Variants in CENPN observed in about 807,000 individuals in gnomAD.
CENPN encodes interphase centromere complex protein 32.
A neutral mutation model predicts 48.6 loss-of-function variants in CENPN; 36 were observed. The observed-to-expected ratio is 0.74, with a 90% CI of 0.57 to 0.98. The LOEUF is 0.98. Among genes scored for constraint, CENPN ranks in the 50% least tolerant of loss-of-function variants. The pLI is 0.00. For missense variants in CENPN, 439 were observed against 399.2 expected (o/e 1.10, Z -0.85); for synonymous variants, 166 against 135.2 (o/e 1.23, Z -1.58).
At chr16:81,019,880 A>G (rs1970100665) in intron 5 of CENPN, among the ~76,000 whole-genome samples, 1 of 151,152 alleles carries the variant, frequency 6.6e-6, no homozygotes, top group Admixed American at 6.6e-5. Context: ...TAGTCTCAAA[A>G]AAAAAAAAAG....
At chr16:81,015,866 G>A (rs1969910199) in intron 3 of CENPN, among the ~76,000 whole-genome samples, 2 of 152,114 alleles carry the variant, frequency 1.3e-5, no homozygotes, top group African/African-American at 4.8e-5. Context: ...AATTAGCCGG[G>A]CATGATGGCA....
chr16:81,017,162 A>AG, intron 3 of CENPN, 164 bp from the exon 4 acceptor site: 1 of 370,236 alleles, frequency 2.7e-6, no homozygotes, highest in East Asian at 4.5e-5. Context: ...ATTTATATGA[A>AG]GTACTTTAAT....
intron 8 of CENPN, among the ~76,000 whole-genome samples, chr16:81,025,604 TC>T (rs1970426622): frequency 6.6e-6 from 1 of 151,546 alleles, no homozygotes; most frequent in Non-Finnish European, 1.5e-5. Flanking sequence ...GCATCTGTGG[TC>T]CCGGCTACTT....
At chr16:81,028,369 A>G in intron 10 of CENPN, 72 bp downstream of exon 10, 1 of 1,569,554 alleles carries the variant, frequency 6.4e-7, no homozygotes, top group Non-Finnish European at 8.7e-7. Context: ...ATAATCTGCT[A>G]ATTACTTCTG....
In CENPN at chr16:81,030,048, A is replaced by G. The variant is rs927837187; in HGVS notation, c.*1397A>G. The stretch of plus-strand genomic sequence containing the variant: ...AGCTTGTGCAGGGAAACTCCCATTT[A>G]TAAAACCACCAGAGCTCATGAAACT... On this transcript the variant is annotated 3_prime_UTR_variant, in exon 11 of 11. Coordinates refer to ENST00000305850, the MANE Select transcript of CENPN (RefSeq NM_001100624.3). The G allele has an allele frequency of 7.9e-6, 2 of 254,750 alleles. No individual in the cohort carries two copies. The highest frequency in any genetic ancestry group is 1.2e-5 in the Non-Finnish European group (2 of 162,298). 15.8% of individuals were successfully genotyped at this position (254,750 alleles called of 1,614,324 possible).
chr16:81,013,047 C>T (rs187796386), intron 2 of CENPN, among the ~76,000 whole-genome samples: 2 of 152,086 alleles, frequency 1.3e-5, no homozygotes, highest in African/African-American at 4.8e-5. Flanking sequence ...GTTTTAAAAA[C>T]AAAACACGTT....
In CENPN at chr16:81,028,210, T is replaced by C; in HGVS notation, c.850T>C (p.Leu284=). The C allele has an allele frequency of 6.2e-7, 1 of 1,613,362 alleles. No homozygotes were observed. The highest frequency in any genetic ancestry group is 8.5e-7 in the Non-Finnish European group (1 of 1,179,234). Residue 284 remains leucine (L), a synonymous_variant, in exon 10 of 11, where the codon TTG becomes CTG. Coordinates refer to ENST00000305850, the MANE Select transcript of CENPN (RefSeq NM_001100624.3). The part of the protein sequence containing the change: ...KFKSGLNGSI[L]AEREEPLRCL... The stretch of plus-strand genomic sequence containing the variant: ...CAAAAGTGGTTTAAATGGGAGCATC[T>C]TGGCTGAGAGGGAAGAACCCCTCCG...
At chr16:81,021,862 C>G (rs1970225555) in intron 6 of CENPN, among the ~76,000 whole-genome samples, 1 of 151,972 alleles carries the variant, frequency 6.6e-6, no homozygotes. Flanking sequence ...TCAAGCGATT[C>G]TCCTGCCTCA....
intron 7 of CENPN, chr16:81,023,037 GAGA>G (rs1970289959): frequency 1.5e-6 from 1 of 672,262 alleles, no homozygotes; most frequent in Non-Finnish European, 2.3e-6. Flanking sequence ...TGAAACAACA[GAGA>G]AGTAGAATTA....
At chr16:81,028,470 T>G in intron 10 of CENPN, 99 bp from the exon 11 acceptor site, 11 of 1,539,012 alleles carry the variant, frequency 7.1e-6, no homozygotes, top group Non-Finnish European at 9.6e-6. Context: ...GCATCTATGA[T>G]CCACCCTCTA....
intron 9 of CENPN, among the ~76,000 whole-genome samples, chr16:81,027,000 T>C (rs1216543850): frequency 6.6e-6 from 1 of 151,950 alleles, no homozygotes; most frequent in Non-Finnish European, 1.5e-5. Context: ...TTTCATCGTG[T>C]TGGCCAGACT....
At chr16:81,013,047 C>G (rs187796386) in intron 2 of CENPN, among the ~76,000 whole-genome samples, 1 of 152,204 alleles carries the variant, frequency 6.6e-6, no homozygotes, top group East Asian at 1.9e-4. Context: ...GTTTTAAAAA[C>G]AAAACACGTT....
Position 81,029,991 on chromosome 16 carries a change from A to C in CENPN, c.*1340A>C, listed in dbSNP as rs1428698502. ...TCATGGTGGAAGGCAAATGAGAAGC[A>C]AAGTCATGTCTTACATGGCGGCAGG... On this transcript the variant is annotated 3_prime_UTR_variant, in exon 11 of 11. Transcript: ENST00000305850. 6.6e-6 allele frequency among the ~76,000 whole-genome samples: 1 copy of C among 152,222 alleles called. No individual in the cohort carries two copies. The highest frequency in any genetic ancestry group is 6.5e-5 in the Admixed American group (1 of 15,288).
intron 4 of CENPN, 37 bp from the exon 5 acceptor site, chr16:81,017,721 C>T (rs750159466): frequency 6.4e-6 from 9 of 1,405,730 alleles, no homozygotes; most frequent in Non-Finnish European, 8.9e-6. Flanking sequence ...CATTGTAGCT[C>T]CCTTGATTTT....
Position 81,028,275 on chromosome 16 carries a change from A to G in CENPN, c.915A>G (p.Ala305=). ...IKFSSPHLLE[A]LKSLAPAGIA... ...TCTCTAGCCCACATCTTCTGGAAGCATTGAAATCCTTAGCACCAGCGGGTG... is the reference window on the plus strand; with the variant it reads ...TCTCTAGCCCACATCTTCTGGAAGCGTTGAAATCCTTAGCACCAGCGGGTG... The change falls in exon 10 of 11, where the codon GCA becomes GCG. Residue 305 remains alanine, a synonymous_variant. Coordinates refer to ENST00000305850, the MANE Select transcript of CENPN (RefSeq NM_001100624.3). 1 of 1,614,212 alleles carries G rather than the reference A, an allele frequency of 6.2e-7. No homozygotes were observed. Among genetic ancestry groups the G allele is most frequent in the East Asian group, 2.2e-5 (1 of 44,886 alleles).
chr16:81,020,401 T>C (rs1277858203), intron 6 of CENPN, 125 bp downstream of exon 6: 13 of 912,930 alleles, frequency 1.4e-5, no homozygotes, highest in Non-Finnish European at 2.0e-5. Flanking sequence ...CATGTACCTG[T>C]GGTCCCAGCT....
chr16:81,032,972 G>A (rs1156429936), downstream of CENPN: 1 of 252,404 alleles, frequency 4.0e-6, no homozygotes, highest in African/African-American at 2.2e-5. Flanking sequence ...TGCTGCCTCG[G>A]ATCTTGATCA....
Position 81,024,658 on chromosome 16 carries a change from T to G in CENPN, c.634-57T>G. ...TACTTTAATATACTAAAAAAAAAATTAATATCTGTACTTCAAGATGTCAAG... is the reference window on the plus strand; with the variant it reads ...TACTTTAATATACTAAAAAAAAAATGAATATCTGTACTTCAAGATGTCAAG... On this transcript the variant is annotated intron_variant, in intron 7 of 10. Coordinates refer to ENST00000305850, the MANE Select transcript of CENPN (RefSeq NM_001100624.3). 3 of 1,157,146 alleles carry G rather than the reference T, an allele frequency of 2.6e-6. No homozygotes were observed. In the Admixed American group the frequency reaches 6.6e-5, roughly 26 times the overall value. 71.7% of individuals were successfully genotyped at this position (1,157,146 alleles called of 1,614,324 possible). A position where few individuals can be genotyped will look rare whatever the true frequency, so the allele number is the denominator to read the frequency against.
In CENPN at chr16:81,028,744, T is replaced by G. The variant is rs1280969561; in HGVS notation, c.*93T>G. The G allele has an allele frequency of 6.7e-7, 1 of 1,501,906 alleles. No homozygotes were observed. The highest frequency in any genetic ancestry group is 1.4e-5 in the African/African-American group (1 of 70,044). 93.0% of individuals were successfully genotyped at this position (1,501,906 alleles called of 1,614,324 possible). On this transcript the variant is annotated 3_prime_UTR_variant, in exon 11 of 11. Coordinates refer to ENST00000305850, the MANE Select transcript of CENPN (RefSeq NM_001100624.3). ...AGCTGTATAGCTTCCGTCTGTAAACTTGTATTTTCAAGAATCCTTGGTATT... is the reference window on the plus strand; with the variant it reads ...AGCTGTATAGCTTCCGTCTGTAAACGTGTATTTTCAAGAATCCTTGGTATT...
Sources: gnomAD v4.1 joint callset for allele counts (sites outside exome capture counted in the v4.1 genomes callset) on GRCh38, gnomAD v4.1.1 for gene constraint, MANE v1.5 for transcripts, NCBI Gene and HGNC (gene_info 2026-07-23, HGNC 2026-07-21) for gene names.